The following OPCML variants were observed in gnomAD, a reference collection of about 807,000 sequenced individuals.
OPCML encodes the protein opioid binding protein/cell adhesion molecule like.
In OPCML, 13 loss-of-function variants were observed where a neutral mutation model predicts 37.8. The ratio of observed to expected loss-of-function variants is 0.34; its 90% CI spans 0.22 to 0.55. OPCML has a LOEUF of 0.55. Ranked by LOEUF, OPCML falls within the 20% of genes least tolerant of loss-of-function variation. The probability of loss-of-function intolerance (pLI) is 0.91; values close to 1 mark genes in which losing one functional copy is unlikely to be tolerated. For synonymous variants in OPCML, 176 were observed against 168.8 expected (o/e 1.04, Z -0.33); for missense variants, 341 against 435.6 (o/e 0.78, Z 1.93).
intron 3 of OPCML, among the ~76,000 whole-genome samples, chr11:132,632,145 A>AG (rs1430593102): frequency 2.6e-5 from 4 of 151,724 alleles, no homozygotes; most frequent in Non-Finnish European, 5.9e-5. Context: ...AAAAAAAAAA[A>AG]AAAAGAAAGA....
chr11:132,610,688 C>A (rs528885067), intron 3 of OPCML, among the ~76,000 whole-genome samples: 33 of 152,286 alleles, frequency 2.2e-4, no homozygotes, highest in African/African-American at 7.5e-4. Context: ...GAAGGAGACT[C>A]TGGCCAGACA....
At chr11:132,550,501 G>A (rs1591537797) in intron 3 of OPCML, among the ~76,000 whole-genome samples, 1 of 152,136 alleles carries the variant, frequency 6.6e-6, no homozygotes, top group African/African-American at 2.4e-5. Flanking sequence ...GCTCTCTGAG[G>A]CCTCCCCAAA....
intron 2 of OPCML, among the ~76,000 whole-genome samples, chr11:132,704,516 A>C (rs1367421958): frequency 6.6e-6 from 1 of 152,234 alleles, no homozygotes; most frequent in Non-Finnish European, 1.5e-5. Context: ...AGGGGAATAA[A>C]TTAATTTCAG....
intron 1 of OPCML, among the ~76,000 whole-genome samples, chr11:133,168,667 C>T (rs1950247074): frequency 6.6e-6 from 1 of 152,184 alleles, no homozygotes; most frequent in African/African-American, 2.4e-5. Context: ...CAAAGGCATT[C>T]AGCAACCAAT....
intron 1 of OPCML, among the ~76,000 whole-genome samples, chr11:133,164,650 G>C (rs564615847): frequency 6.6e-6 from 1 of 152,308 alleles, no homozygotes; most frequent in South Asian, 2.1e-4. Flanking sequence ...CCAGGAGCTG[G>C]TATGCAGTCA....
intron 2 of OPCML, among the ~76,000 whole-genome samples, chr11:132,694,899 T>TCAGAA (rs1270108320): frequency 9.9e-6 from 1 of 100,572 alleles, no homozygotes; most frequent in East Asian, 2.8e-4. Flanking sequence ...ATGGCAAGAC[T>TCAGAA]TAGAAACTAT....
intron 2 of OPCML, among the ~76,000 whole-genome samples, chr11:132,913,321 G>A (rs2136548929): frequency 6.6e-6 from 1 of 152,082 alleles, no homozygotes; most frequent in East Asian, 1.9e-4. Flanking sequence ...GACTATTACT[G>A]GAAAGTTAAA....
chr11:132,951,674 C>T (rs901625990), intron 1 of OPCML, among the ~76,000 whole-genome samples: 1 of 152,194 alleles, frequency 6.6e-6, no homozygotes, highest in African/African-American at 2.4e-5. Flanking sequence ...CCTAATTCCC[C>T]ATTGTCACAA....
chr11:132,422,756 A>G (rs2095964196), intron 7 of OPCML, among the ~76,000 whole-genome samples: 1 of 152,224 alleles, frequency 6.6e-6, no homozygotes, highest in Non-Finnish European at 1.5e-5. Context: ...GAGCTGGATT[A>G]GAACCAAGTC....
chr11:133,422,756 G>A (rs1945918869), intron 1 of OPCML: 7 of 920,150 alleles, frequency 7.6e-6, no homozygotes, highest in Non-Finnish European at 7.8e-6. Flanking sequence ...CAAAAATAAT[G>A]TATTAATAAT....
intron 1 of OPCML, among the ~76,000 whole-genome samples, chr11:133,498,592 G>C (rs953272456): frequency 6.6e-5 from 10 of 152,154 alleles, no homozygotes; most frequent in Admixed American, 5.2e-4. Context: ...CACCCATCTG[G>C]CTAAAGCTTA....
At chr11:133,389,076 A>G (rs1945115162) in intron 1 of OPCML, among the ~76,000 whole-genome samples, 1 of 152,156 alleles carries the variant, frequency 6.6e-6, no homozygotes, top group Admixed American at 6.5e-5. Context: ...GCTCTCAACC[A>G]CTTTGTAATC....
At chr11:132,727,152 G>A (rs111885213) in intron 2 of OPCML, among the ~76,000 whole-genome samples, 33 of 152,164 alleles carry the variant, frequency 2.2e-4, no homozygotes, top group African/African-American at 7.7e-4. Flanking sequence ...TCATCCTTCT[G>A]GAGAAGGTGC....
At chr11:133,355,550 C>T (rs1252167118) in intron 1 of OPCML, among the ~76,000 whole-genome samples, 2 of 152,158 alleles carry the variant, frequency 1.3e-5, no homozygotes, top group African/African-American at 4.8e-5. Flanking sequence ...GGGCTGTGAT[C>T]CTGGGGAAGT....
intron 1 of OPCML, among the ~76,000 whole-genome samples, chr11:133,094,869 T>G (rs995221133): frequency 1.3e-5 from 2 of 152,086 alleles, no homozygotes; most frequent in African/African-American, 2.4e-5. Flanking sequence ...AACATGAATA[T>G]AAAAATAGTA....
At chr11:133,476,073 T>A (rs933734366) in intron 1 of OPCML, among the ~76,000 whole-genome samples, 5 of 152,156 alleles carry the variant, frequency 3.3e-5, no homozygotes, top group Non-Finnish European at 5.9e-5. Flanking sequence ...GCTCTCCCTA[T>A]ATTCACACAG....
At chr11:133,002,585 T>C (rs947337510) in intron 1 of OPCML, among the ~76,000 whole-genome samples, 1 of 152,168 alleles carries the variant, frequency 6.6e-6, no homozygotes, top group Non-Finnish European at 1.5e-5. Context: ...ATAAATACAA[T>C]GATGGATATA....
intron 1 of OPCML, among the ~76,000 whole-genome samples, chr11:133,516,230 G>A (rs775059934): frequency 6.6e-6 from 1 of 152,170 alleles, no homozygotes; most frequent in Non-Finnish European, 1.5e-5. Context: ...GAGAGGCTTC[G>A]TGTCAGTCTC....
chr11:132,602,830 T>C (rs1938015022), intron 3 of OPCML, among the ~76,000 whole-genome samples: 1 of 152,206 alleles, frequency 6.6e-6, no homozygotes, highest in Non-Finnish European at 1.5e-5. Flanking sequence ...GGGAACCACA[T>C]GGGGCCCAAG....
Sources: allele counts gnomAD v4.1 joint callset (sites outside exome capture counted in the v4.1 genomes callset), GRCh38; gene constraint gnomAD v4.1.1; transcripts MANE v1.5; gene names NCBI Gene and HGNC (gene_info 2026-07-23, HGNC 2026-07-21).